The following ACAD11 variants were observed in gnomAD, a reference collection of about 807,000 sequenced individuals.
ACAD11 encodes the protein acyl-Coenzyme A dehydrogenase family, member 11.
Under a neutral mutation model 102.2 loss-of-function variants are expected in ACAD11, and 83 were observed. That is an observed-to-expected ratio of 0.81 (90% CI 0.68 to 0.97). ACAD11 has a LOEUF of 0.97. ACAD11 is among the 50% of genes least tolerant of loss of function. ACAD11 has a pLI of 0.00. For missense variants in ACAD11, 901 were observed against 951.7 expected (o/e 0.95, Z 0.70); for synonymous variants, 324 against 319.8 (o/e 1.01, Z -0.14).
intron 7 of ACAD11, 64 bp downstream of exon 7, chr3:132,630,373 G>A (rs1039618575): frequency 1.2e-5 from 17 of 1,472,304 alleles, no homozygotes; most frequent in Non-Finnish European, 1.5e-5. Context: ...CGGAAGACTG[G>A]AAAACATTGT....
At chr3:132,597,690 C>T (rs1938376191) in intron 13 of ACAD11, among the ~76,000 whole-genome samples, 1 of 151,810 alleles carries the variant, frequency 6.6e-6, no homozygotes, top group Non-Finnish European at 1.5e-5. Flanking sequence ...AGGATCATTT[C>T]TGCAAATAAT....
intron 5 of ACAD11, among the ~76,000 whole-genome samples, chr3:132,637,157 C>T (rs1940305568): frequency 6.6e-6 from 1 of 151,836 alleles, no homozygotes; most frequent in South Asian, 2.1e-4. Context: ...ATGGACATCC[C>T]CTGTAGGGTT....
At chr3:132,583,537 G>A (rs1937657081) in intron 13 of ACAD11, among the ~76,000 whole-genome samples, 1 of 152,046 alleles carries the variant, frequency 6.6e-6, no homozygotes, top group African/African-American at 2.4e-5. Context: ...GGTTTTTTGT[G>A]TCTCTATTTC....
intron 11 of ACAD11, among the ~76,000 whole-genome samples, chr3:132,611,103 A>C (rs1173170498): frequency 6.6e-6 from 1 of 152,218 alleles, no homozygotes; most frequent in Non-Finnish European, 1.5e-5. Flanking sequence ...CAGCATATAA[A>C]CAGAACCAAA....
chr3:132,602,434 T>G (rs1384743967), intron 13 of ACAD11, among the ~76,000 whole-genome samples: 1 of 152,190 alleles, frequency 6.6e-6, no homozygotes, highest in African/African-American at 2.4e-5. Context: ...CACTGCCGAT[T>G]GACTAAAAAA....
intron 13 of ACAD11, chr3:132,600,950 A>T (rs988646188): frequency 6.2e-7 from 1 of 1,612,084 alleles, no homozygotes; most frequent in Non-Finnish European, 8.5e-7. Context: ...TGCTAGGTGC[A>T]TTCCCATTTT....
Position 132,630,461 on chromosome 3 carries a change from A to C in ACAD11, c.939T>G (p.Tyr313Ter). 1 of 1,613,082 alleles carries C rather than the reference A, an allele frequency of 6.2e-7. No individual in the cohort carries two copies. The highest frequency in any genetic ancestry group is 8.5e-7 in the Non-Finnish European group (1 of 1,179,420). Residue 313 changes from tyrosine to a stop codon, truncating the protein, a stop_gained, in exon 7 of 20, where the codon TAT becomes TAG. Coordinates refer to ENST00000264990, the MANE Select transcript of ACAD11 (RefSeq NM_032169.5). LOFTEE classifies it high-confidence loss of function. ...PNWNFFLALS[Y>*]FKMAGIAQGV... ...CCTGTGCTATTCCAGCCATCTTAAA[A>C]TATGAAAGGGCAAGAAAGAAATTCC...
At chr3:132,584,909 G>A (rs1025397855) in intron 13 of ACAD11, among the ~76,000 whole-genome samples, 1 of 152,164 alleles carries the variant, frequency 6.6e-6, no homozygotes, top group African/African-American at 2.4e-5. Flanking sequence ...TATGAAAATG[G>A]CCATACTGCC....
chr3:132,644,023 T>C (rs1235981181), intron 2 of ACAD11, among the ~76,000 whole-genome samples: 1 of 152,154 alleles, frequency 6.6e-6, no homozygotes, highest in Non-Finnish European at 1.5e-5. Flanking sequence ...AACTTTTTTT[T>C]ATCTTAAGCA....
At chr3:132,604,771 T>C (rs1938766072) in intron 12 of ACAD11, among the ~76,000 whole-genome samples, 1 of 152,160 alleles carries the variant, frequency 6.6e-6, no homozygotes, top group Non-Finnish European at 1.5e-5. Context: ...ATTTCATACA[T>C]AAGGGCAAAG....
At chr3:132,603,513 G>A (rs897656430) in intron 12 of ACAD11, among the ~76,000 whole-genome samples, 186 bp from the exon 13 acceptor site, 1 of 152,096 alleles carries the variant, frequency 6.6e-6, no homozygotes, top group Non-Finnish European at 1.5e-5. Flanking sequence ...AAGAATGAGT[G>A]AATGAATGAA....
At chr3:132,605,999 T>A (rs1415605201) in intron 11 of ACAD11, among the ~76,000 whole-genome samples, 5 of 152,200 alleles carry the variant, frequency 3.3e-5, no homozygotes, top group Admixed American at 2.6e-4. Flanking sequence ...AGTATTGCCC[T>A]TGGCTAACAA....
intron 13 of ACAD11, among the ~76,000 whole-genome samples, chr3:132,597,953 A>C (rs1237618823): frequency 6.6e-6 from 1 of 152,182 alleles, no homozygotes; most frequent in Non-Finnish European, 1.5e-5. Flanking sequence ...CATTTAAAAA[A>C]GTTGGCACCC....
chr3:132,597,096 T>C (rs989115848), intron 13 of ACAD11: 31 of 152,180 alleles, frequency 2.0e-4, no homozygotes, highest in African/African-American at 6.0e-4. Context: ...TGAAAAAAGA[T>C]GGATTTTCTC....
intron 13 of ACAD11, among the ~76,000 whole-genome samples, chr3:132,580,520 A>ACCC (rs1013885181): frequency 9.2e-5 from 14 of 152,144 alleles, no homozygotes; most frequent in African/African-American, 3.4e-4. Context: ...ACCAACAGCA[A>ACCC]TTTTTAGACC....
intron 13 of ACAD11, among the ~76,000 whole-genome samples, chr3:132,596,800 G>T (rs971852708): frequency 6.6e-6 from 1 of 152,188 alleles, no homozygotes; most frequent in Non-Finnish European, 1.5e-5. Flanking sequence ...AATATTAAAT[G>T]ATGTGGCATA....
In ACAD11 at chr3:132,593,458, A is replaced by G. The variant is rs78710308; in HGVS notation, c.1621+9771T>C. On this transcript the variant is annotated intron_variant, in intron 13 of 19. Transcript: ENST00000264990. ...CAGTTTATTATCCAGTATTCCACAC[A>G]TGCCTGGCAAGGGTAGGTAAGGGGT... Among the ~76,000 whole-genome samples, 11 of 152,332 alleles carry G rather than the reference A, an allele frequency of 7.2e-5. No individual in the cohort carries two copies. The East Asian group carries it at 2.1e-3, about 29-fold the overall frequency.
chr3:132,622,664 G>T (rs1489241420), intron 9 of ACAD11, among the ~76,000 whole-genome samples: 1 of 152,118 alleles, frequency 6.6e-6, no homozygotes, highest in Non-Finnish European at 1.5e-5. Flanking sequence ...TCATTATAAA[G>T]AACCCTTCTT....
At chr3:132,629,848 A>G (rs960861872) in intron 7 of ACAD11, among the ~76,000 whole-genome samples, 1 of 152,168 alleles carries the variant, frequency 6.6e-6, no homozygotes, top group Admixed American at 6.5e-5. Context: ...AAACTGGATT[A>G]GTATAAAGAA....
Sources: gnomAD v4.1 joint callset for allele counts (sites outside exome capture counted in the v4.1 genomes callset) on GRCh38, gnomAD v4.1.1 for gene constraint, MANE v1.5 for transcripts, NCBI Gene and HGNC (gene_info 2026-07-23, HGNC 2026-07-21) for gene names.